The following CHD9NB variants were observed in gnomAD, a reference collection of about 807,000 sequenced individuals.
CHD9NB encodes the protein CHD9 neighbor protein.
chr16:53,043,246 C>G, the CHD9NB span: 3 of 152,170 alleles, frequency 2.0e-5, no homozygotes, highest in Middle Eastern at 3.2e-3. Flanking sequence ...AGCTCAGATG[C>G]TAGAGGGTTG....
the CHD9NB span, among the ~76,000 whole-genome samples, chr16:53,049,694 C>G: frequency 1.3e-5 from 2 of 152,026 alleles, no homozygotes; most frequent in Non-Finnish European, 2.9e-5. Flanking sequence ...ACACAGTTGC[C>G]AAAATGAGCA....
At chr16:53,038,037 G>A in the CHD9NB span, among the ~76,000 whole-genome samples, 113 of 152,288 alleles carry the variant, frequency 7.4e-4, no homozygotes, top group East Asian at 7.7e-3. Flanking sequence ...AGTCTGAGGC[G>A]GAAGGCATGA....
chr16:53,043,359 C>T, the CHD9NB span: 4 of 152,188 alleles, frequency 2.6e-5, no homozygotes, highest in Non-Finnish European at 5.9e-5. Flanking sequence ...CTTTCCTTCC[C>T]ACCAGGGCTC....
the CHD9NB span, among the ~76,000 whole-genome samples, chr16:53,040,413 T>A: frequency 6.6e-6 from 1 of 152,182 alleles, no homozygotes; most frequent in Admixed American, 6.6e-5. Flanking sequence ...TACCTCCCTG[T>A]CCCTGTGCCG....
the CHD9NB span, among the ~76,000 whole-genome samples, chr16:53,041,659 C>G: frequency 6.6e-6 from 1 of 152,134 alleles, no homozygotes; most frequent in African/African-American, 2.4e-5. Flanking sequence ...TCACCACCAG[C>G]TGCGAACTCT....
At chr16:53,043,440 T>G in the CHD9NB span, 3 of 152,218 alleles carry the variant, frequency 2.0e-5, no homozygotes, top group African/African-American at 7.2e-5. Context: ...GATCCTGATA[T>G]TTTCCATAGT....
At chr16:53,044,713 G>A in the CHD9NB span, among the ~76,000 whole-genome samples, 1 of 131,408 alleles carries the variant, frequency 7.6e-6, no homozygotes, top group South Asian at 2.5e-4. Flanking sequence ...GCTAATAGAT[G>A]CTGGGTACTA....
chr16:53,042,057 C>T, the CHD9NB span, among the ~76,000 whole-genome samples: 1 of 152,106 alleles, frequency 6.6e-6, no homozygotes, highest in Non-Finnish European at 1.5e-5. Context: ...TTATTTTTTC[C>T]TCACCGCAGT....
At chr16:53,040,839 T>C in the CHD9NB span, among the ~76,000 whole-genome samples, 3 of 152,044 alleles carry the variant, frequency 2.0e-5, no homozygotes, top group African/African-American at 7.2e-5. Context: ...TATGAATAAA[T>C]GGATAGATGA....
the CHD9NB span, among the ~76,000 whole-genome samples, chr16:53,039,258 C>T: frequency 2.6e-5 from 4 of 152,186 alleles, no homozygotes; most frequent in Admixed American, 1.3e-4. Context: ...ATTATTCTGG[C>T]ATGGCTGGAT....
At chr16:53,036,150 T>C in the CHD9NB span, among the ~76,000 whole-genome samples, 1 of 152,210 alleles carries the variant, frequency 6.6e-6, no homozygotes. Context: ...CCCTGGTCTT[T>C]AGAGCTCAAA....
the CHD9NB span, chr16:53,043,307 C>T: frequency 6.6e-6 from 1 of 152,102 alleles, no homozygotes; most frequent in Non-Finnish European, 1.5e-5. Flanking sequence ...AGCAGAGGGA[C>T]CTTTCTTGGG....
the CHD9NB span, among the ~76,000 whole-genome samples, chr16:53,040,819 G>C: frequency 2.0e-5 from 3 of 152,222 alleles, no homozygotes; most frequent in Admixed American, 1.3e-4. Context: ...TCCAGGGTAA[G>C]AGCTGAATGT....
the CHD9NB span, among the ~76,000 whole-genome samples, chr16:53,037,896 C>A: frequency 6.6e-6 from 1 of 152,118 alleles, no homozygotes; most frequent in Non-Finnish European, 1.5e-5. Flanking sequence ...AGAAACAGAA[C>A]CAACAGAATA....
At chr16:53,047,284 C>G in the CHD9NB span, 4 of 152,174 alleles carry the variant, frequency 2.6e-5, no homozygotes, top group Non-Finnish European at 5.9e-5. Flanking sequence ...GGTGCAGCCC[C>G]TAGAGAAAAC....
chr16:53,051,133 TG>T, the CHD9NB span, among the ~76,000 whole-genome samples: 1 of 152,004 alleles, frequency 6.6e-6, no homozygotes, highest in Non-Finnish European at 1.5e-5. Flanking sequence ...GTGATCCGCC[TG>T]CCTCGGCCTC....
the CHD9NB span, among the ~76,000 whole-genome samples, chr16:53,048,919 C>T: frequency 6.6e-6 from 1 of 152,192 alleles, no homozygotes. Flanking sequence ...TTTGGTGTTG[C>T]CCATTTAAGT....
the CHD9NB span, among the ~76,000 whole-genome samples, chr16:53,051,428 A>G: frequency 6.6e-6 from 1 of 152,114 alleles, no homozygotes; most frequent in Non-Finnish European, 1.5e-5. Context: ...ATCATGGAGT[A>G]CTATGCAGCC....
the CHD9NB span, among the ~76,000 whole-genome samples, chr16:53,038,663 A>G: frequency 1.2e-4 from 19 of 152,074 alleles, no homozygotes; most frequent in South Asian, 3.3e-3. Context: ...GACACATAAA[A>G]TTAACCATCA....
Sources: allele counts gnomAD v4.1 joint callset (sites outside exome capture counted in the v4.1 genomes callset), GRCh38; gene constraint gnomAD v4.1.1; transcripts MANE v1.5; gene names NCBI Gene and HGNC (gene_info 2026-07-23, HGNC 2026-07-21).